The following ZBBX variants were observed in gnomAD, a reference collection of about 807,000 sequenced individuals.
ZBBX encodes the protein zinc finger B-box domain containing, also known as zinc finger B-box domain-containing protein 1.
ZBBX carries 101 observed loss-of-function variants against 108.5 expected under a neutral mutation model. That is an observed-to-expected ratio of 0.93 (90% confidence interval 0.79 to 1.10). ZBBX has a LOEUF of 1.10. ZBBX is among the 50% of genes least tolerant of loss of function. The pLI, the probability that ZBBX is intolerant of heterozygous loss-of-function variation, is 0.00. For missense variants in ZBBX, 1,009 were observed against 941.4 expected (o/e 1.07, Z -0.94); for synonymous variants, 356 against 323.4 (o/e 1.10, Z -1.08).
the ZBBX span, among the ~76,000 whole-genome samples, chr3:167,184,329 G>T: frequency 6.6e-6 from 1 of 152,122 alleles, no homozygotes; most frequent in Non-Finnish European, 1.5e-5. Flanking sequence ...GAGATGTTAT[G>T]CACTATCCAG....
chr3:167,235,292 G>T (rs996221699), downstream of ZBBX, among the ~76,000 whole-genome samples: 3 of 151,482 alleles, frequency 2.0e-5, no homozygotes, highest in Non-Finnish European at 4.4e-5. Context: ...TCCAGAAGCT[G>T]CTTAAGAATA....
chr3:167,336,875 T>C, intron 9 of ZBBX, among the ~76,000 whole-genome samples: 1 of 152,324 alleles, frequency 6.6e-6, no homozygotes, highest in East Asian at 1.9e-4. Context: ...TTTGACCAAG[T>C]ATATAGAAAT....
intron 1 of ZBBX, among the ~76,000 whole-genome samples, chr3:167,395,699 A>G (rs1405050347): frequency 6.6e-6 from 1 of 152,020 alleles, no homozygotes; most frequent in Admixed American, 6.6e-5. Flanking sequence ...TATCAAAAGT[A>G]CCACCAAAAA....
intron 6 of ZBBX, among the ~76,000 whole-genome samples, chr3:167,361,666 T>C (rs1744523402): frequency 6.6e-6 from 1 of 152,218 alleles, no homozygotes; most frequent in South Asian, 2.1e-4. Flanking sequence ...AGATGCTATG[T>C]ACTAAACACA....
chr3:167,231,279 T>C, the ZBBX span, among the ~76,000 whole-genome samples: 1 of 151,866 alleles, frequency 6.6e-6, no homozygotes, highest in East Asian at 1.9e-4. Context: ...AGCATAGCAA[T>C]AGTCAGAGGC....
chr3:167,246,359 T>C (rs1429050180), intron 20 of ZBBX, among the ~76,000 whole-genome samples: 1 of 152,242 alleles, frequency 6.6e-6, no homozygotes, highest in South Asian at 2.1e-4. Flanking sequence ...TAAATCCTGA[T>C]TAGATTAGCA....
chr3:167,290,901 C>A (rs1221589504), intron 18 of ZBBX, among the ~76,000 whole-genome samples: 1 of 152,036 alleles, frequency 6.6e-6, no homozygotes, highest in Non-Finnish European at 1.5e-5. Context: ...ACAAGAACTT[C>A]ATGAAGCATA....
downstream of ZBBX, among the ~76,000 whole-genome samples, chr3:167,236,527 T>G (rs1384282959): frequency 1.3e-5 from 2 of 151,812 alleles, no homozygotes; most frequent in Non-Finnish European, 2.9e-5. Context: ...TTTTCTCCAT[T>G]TTATAATTAA....
chr3:167,293,579 A>G (rs1420419582), intron 18 of ZBBX, among the ~76,000 whole-genome samples: 1 of 152,220 alleles, frequency 6.6e-6, no homozygotes, highest in Non-Finnish European at 1.5e-5. Context: ...ACAAACCCAC[A>G]GCCAATATCA....
At chr3:167,330,862 GAGGAGGAGGAGA>G (rs1197805694) in intron 10 of ZBBX, among the ~76,000 whole-genome samples, 8 of 13,570 alleles carry the variant, frequency 5.9e-4, no homozygotes, top group African/African-American at 2.4e-3. Flanking sequence ...GGAGGAGGAG[GAGGAGGAGGAGA>G]AGAAGAAGAA....
intron 19 of ZBBX, among the ~76,000 whole-genome samples, chr3:167,282,817 A>G (rs1346278823): frequency 1.3e-5 from 2 of 152,210 alleles, no homozygotes; most frequent in Admixed American, 6.5e-5. Context: ...ACACAATTTT[A>G]TAACGTATTC....
rs377300627 is a variant in ZBBX at position 167,282,388 on chromosome 3, C to T, written c.2104G>A (p.Ala702Thr). 4 of 1,614,014 alleles carry T rather than the reference C, an allele frequency of 2.5e-6. No individual in the cohort carries two copies. In the African/African-American group the frequency reaches 5.3e-5, roughly 22 times the overall value. Residue 702 changes from alanine (A) to threonine (T), a missense_variant, in exon 20 of 22, where the codon GCT becomes ACT. By Grantham distance (58) the Ala-to-Thr change is moderately conservative (BLOSUM62 0). Transcript: ENST00000675490. ...GAAGCAGCTCTAGATGATGATTGAG[C>T]AGCTGCACTTCTTGATCGAGGATGA... ...SSHPRSRSAA[A>T]QSSSRAASEI...
intron 6 of ZBBX, among the ~76,000 whole-genome samples, chr3:167,363,407 C>T (rs1477559185): frequency 3.3e-5 from 5 of 152,068 alleles, no homozygotes; most frequent in African/African-American, 1.2e-4. Context: ...TTGAGGTCTT[C>T]CCATTAAAAT....
At chr3:167,235,439 G>C (rs1045932351), downstream of ZBBX, among the ~76,000 whole-genome samples, 6 of 151,186 alleles carry the variant, frequency 4.0e-5, no homozygotes, top group African/African-American at 1.5e-4. Context: ...ATAAAATATG[G>C]ATGAAGTCTA....
chr3:167,370,486 CT>C (rs1326233127), intron 4 of ZBBX, among the ~76,000 whole-genome samples: 3 of 152,190 alleles, frequency 2.0e-5, no homozygotes, highest in Non-Finnish European at 2.9e-5. Flanking sequence ...ACTTCACAAA[CT>C]GCTTACAGGA....
the ZBBX span, among the ~76,000 whole-genome samples, chr3:167,184,251 G>A: frequency 6.6e-6 from 1 of 152,134 alleles, no homozygotes; most frequent in Non-Finnish European, 1.5e-5. Flanking sequence ...GTTAAGCCTT[G>A]AAAACTGATT....
chr3:167,328,095 T>G lies in ZBBX; in HGVS notation c.709A>C (p.Arg237=). Residue 237 remains arginine, a synonymous_variant, in exon 11 of 22, where the codon AGA becomes CGA. Transcript: ENST00000675490. Reference sequence around the variant, plus strand: ...TTTCTTGGTTTTGTACGTTGTGCTCTTTTCATCGTTGTAATTTCTACCTAA... The same window carrying G: ...TTTCTTGGTTTTGTACGTTGTGCTCGTTTCATCGTTGTAATTTCTACCTAA... ...SSEVEITTMK[R]AQRTKPRKSL... 1 of 1,611,302 alleles carries G rather than the reference T, an allele frequency of 6.2e-7. No individual in the cohort carries two copies. Among genetic ancestry groups the G allele is most frequent in the Non-Finnish European group, 8.5e-7 (1 of 1,179,206 alleles).
chr3:167,348,436 AAGAG>A (rs112122859), intron 9 of ZBBX, among the ~76,000 whole-genome samples: 1 of 149,050 alleles, frequency 6.7e-6, no homozygotes, highest in Non-Finnish European at 1.5e-5. Context: ...GGGAGAGAGA[AAGAG>A]AGAGAAGGAG....
At chr3:167,219,368 A>T in the ZBBX span, among the ~76,000 whole-genome samples, 1 of 152,100 alleles carries the variant, frequency 6.6e-6, no homozygotes, top group Non-Finnish European at 1.5e-5. Flanking sequence ...AGGATAGATC[A>T]TAAGGTAGGT....
Sources: gnomAD v4.1 joint callset for allele counts (sites outside exome capture counted in the v4.1 genomes callset) on GRCh38, gnomAD v4.1.1 for gene constraint, MANE v1.5 for transcripts, NCBI Gene and HGNC (gene_info 2026-07-23, HGNC 2026-07-21) for gene names.